LGALS3: variants seen among roughly 807,000 people sequenced by gnomAD.
LGALS3 encodes the protein galectin-3.
LGALS3 carries 18 observed loss-of-function variants against 20.7 expected under a neutral mutation model. The ratio of observed to expected loss-of-function variants is 0.87; its 90% CI spans 0.60 to 1.29. The LOEUF (loss-of-function observed/expected upper bound fraction) is 1.29. LGALS3 is among the 50% of genes most tolerant of loss of function. LGALS3 has a pLI of 0.00. For synonymous variants in LGALS3, 112 were observed against 119.6 expected (o/e 0.94, Z 0.42); for missense variants, 315 against 314.7 (o/e 1.00, Z -0.01).
chr14:55,139,101 G>A (rs1452184512), intron 3 of LGALS3, among the ~76,000 whole-genome samples: 2 of 152,184 alleles, frequency 1.3e-5, no homozygotes, highest in African/African-American at 4.8e-5. Flanking sequence ...TCAGTTTAGA[G>A]TAGAAAGACT....
Position 55,129,892 on chromosome 14 carries a change from C to G in LGALS3, c.-5+592C>G, listed in dbSNP as rs949407090. Among the ~76,000 whole-genome samples the G allele has an allele frequency of 6.6e-6, 1 of 152,224 alleles. No individual in the cohort carries two copies. The highest frequency in any genetic ancestry group is 2.4e-5 in the African/African-American group (1 of 41,470). Reference sequence around the variant, plus strand: ...TGGCCCGGCCCCTTTTGAGCATCAGCTGAGGCTGGACTTGGAGGAGATCTC... The same window carrying G: ...TGGCCCGGCCCCTTTTGAGCATCAGGTGAGGCTGGACTTGGAGGAGATCTC... On this transcript the variant is annotated intron_variant, in intron 1 of 5. Transcript: ENST00000254301. The surrounding 1 kb of genome is among the most constrained non-coding windows in gnomAD (Gnocchi z 5.3).
In LGALS3 at chr14:55,138,149, T is replaced by A; in HGVS notation, c.123T>A (p.Tyr41Ter). The A allele has an allele frequency of 6.3e-7, 1 of 1,596,508 alleles. No homozygotes were observed. Among genetic ancestry groups the A allele is most frequent in the Non-Finnish European group, 8.5e-7 (1 of 1,173,554 alleles). ...CAGGGGGCTACCCAGGGGCTTCCTA[T>A]CCTGGGGCCTACCCCGGGCAGGCAC... Reference protein sequence around the residue: ...AGAGGYPGASYPGAYPGQAPP... With the variant: ...AGAGGYPGAS Residue 41 changes from tyrosine (Y) to a stop codon, truncating the protein, a stop_gained, in exon 3 of 6, where the codon TAT becomes TAA. Coordinates refer to ENST00000254301, the MANE Select transcript of LGALS3 (RefSeq NM_002306.4). LOFTEE classifies it high-confidence loss of function.
intron 2 of LGALS3, 188 bp downstream of exon 2, chr14:55,137,579 G>A: frequency 6.7e-7 from 1 of 1,496,590 alleles, no homozygotes; most frequent in Non-Finnish European, 8.8e-7. Flanking sequence ...AAGAAAGCCA[G>A]GCAGAGCGAG....
intron 4 of LGALS3, 35 bp downstream of exon 4, chr14:55,140,398 T>G: frequency 7.3e-7 from 1 of 1,368,162 alleles, no homozygotes; most frequent in Non-Finnish European, 1.0e-6. Context: ...CTACTCTATT[T>G]GTAGATTGGT....
chr14:55,135,825 A>C (rs1594650769), intron 1 of LGALS3, among the ~76,000 whole-genome samples: 1 of 151,998 alleles, frequency 6.6e-6, no homozygotes, highest in East Asian at 1.9e-4. Flanking sequence ...TTGGCCTCCC[A>C]GTGTGCTGGG....
At position 55,145,393 on chromosome 14, in the gene LGALS3, A is replaced by G. The variant is rs1356838277; in HGVS notation, c.*122A>G. Reference sequence around the variant, plus strand: ...TATCCCTCTTGTAAGTCATCTACTTAATAAATATTACAGTGAATTACCTGT... The same window carrying G: ...TATCCCTCTTGTAAGTCATCTACTTGATAAATATTACAGTGAATTACCTGT... On this transcript the variant is annotated 3_prime_UTR_variant, in exon 6 of 6. Coordinates refer to ENST00000254301, the MANE Select transcript of LGALS3 (RefSeq NM_002306.4). 2.0e-6 allele frequency: 3 copies of G among 1,515,380 alleles called. No individual in the cohort carries two copies. In the African/African-American group the frequency reaches 4.1e-5, roughly 21 times the overall value. 93.9% of individuals were successfully genotyped at this position (1,515,380 alleles called of 1,614,324 possible). A position where few individuals can be genotyped will look rare whatever the true frequency, so the allele number is the denominator to read the frequency against.
chr14:55,131,389 A>G (rs757154800), intron 1 of LGALS3, among the ~76,000 whole-genome samples: 60 of 152,332 alleles, frequency 3.9e-4, no homozygotes, highest in Non-Finnish European at 6.6e-4. Flanking sequence ...TCTCATGTAT[A>G]ATTTAGGTAC....
At position 55,138,131 on chromosome 14, in the gene LGALS3, C is replaced by T; in HGVS notation, c.105C>T (p.Gly35=). The change falls in exon 3 of 6, where the codon GGC becomes GGT. Residue 35 remains glycine, a synonymous_variant. Coordinates refer to ENST00000254301, the MANE Select transcript of LGALS3 (RefSeq NM_002306.4). ...AWGNQPAGAG[G]YPGASYPGAY... ...GGAACCAGCCTGCTGGGGCAGGGGG[C>T]TACCCAGGGGCTTCCTATCCTGGGG... is the stretch of plus-strand genomic sequence containing the variant. 1 of 1,567,078 alleles carries T rather than the reference C, an allele frequency of 6.4e-7. No homozygotes were observed. Among genetic ancestry groups the T allele is most frequent in the Non-Finnish European group, 8.6e-7 (1 of 1,160,412 alleles).
chr14:55,144,481 A>G (rs1881743368), intron 5 of LGALS3, among the ~76,000 whole-genome samples: 1 of 151,890 alleles, frequency 6.6e-6, no homozygotes, highest in South Asian at 2.1e-4. Flanking sequence ...TTTAGCCTCC[A>G]CCTTTATGGC....
chr14:55,140,216 G>T (rs568671129), intron 3 of LGALS3, 59 bp from the exon 4 acceptor site: 1 of 1,123,542 alleles, frequency 8.9e-7, no homozygotes, highest in Non-Finnish European at 1.3e-6. Context: ...TAGCAACATC[G>T]TTTTTTCCCC....
Position 55,129,546 on chromosome 14 carries a change from G to C in LGALS3, c.-5+246G>C, listed in dbSNP as rs1275455012. Among the ~76,000 whole-genome samples the C allele has an allele frequency of 6.6e-6, 1 of 152,180 alleles. No homozygotes were observed. The highest frequency in any genetic ancestry group is 2.4e-5 in the African/African-American group (1 of 41,448). ...TCGGGGAAGGTTGGCAGCACCTTAC[G>C]AGACCCACACACGTCCCCGGGGCGG... On this transcript the variant is annotated intron_variant, in intron 1 of 5. Transcript: ENST00000254301. The surrounding 1 kb of genome is among the most constrained non-coding windows in gnomAD (Gnocchi z 5.3).
In LGALS3 at chr14:55,138,197, GGCACCTCCAGGCGCCTACCCTGGA is replaced by G. The variant is rs1191659662; in HGVS notation, c.178_201del (p.Pro60_Pro67del). Reference sequence around the variant, plus strand: ...CACCCCCAGGGGCTTATCCTGGACAGGCACCTCCAGGCGCCTACCCTGGAGCACCTGGAGCTTATCCCGGAGCAC... The same window carrying G: ...CACCCCCAGGGGCTTATCCTGGACAGGCACCTGGAGCTTATCCCGGAGCAC... On this transcript the variant is annotated inframe_deletion, in exon 3 of 6. Transcript: ENST00000254301. The G allele has an allele frequency of 6.2e-7, 1 of 1,612,792 alleles. No homozygotes were observed. The highest frequency in any genetic ancestry group is 1.7e-5 in the Admixed American group (1 of 59,980).
chr14:55,140,488 A>G (rs1881583175), intron 4 of LGALS3, 125 bp downstream of exon 4: 3 of 603,234 alleles, frequency 5.0e-6, no homozygotes, highest in Non-Finnish European at 8.8e-6. Flanking sequence ...AAATTTTAAA[A>G]ACTACATATT....
intron 3 of LGALS3, among the ~76,000 whole-genome samples, chr14:55,139,979 T>C (rs561847537): frequency 5.9e-4 from 90 of 152,290 alleles, no homozygotes; most frequent in African/African-American, 1.9e-3. Flanking sequence ...AAAATGTTAA[T>C]GTTGATCACA....
intron 1 of LGALS3, among the ~76,000 whole-genome samples, chr14:55,131,043 A>G (rs1346614292): frequency 6.6e-6 from 1 of 152,144 alleles, no homozygotes; most frequent in Non-Finnish European, 1.5e-5. Context: ...CCCATCCTTG[A>G]TCTTTGGGGG....
intron 1 of LGALS3, among the ~76,000 whole-genome samples, chr14:55,131,956 T>G (rs1051197906): frequency 2.0e-5 from 3 of 152,198 alleles, no homozygotes; most frequent in Admixed American, 1.3e-4. Flanking sequence ...CTGCCTCTTG[T>G]GTTACTTGAG....
At chr14:55,130,485 C>A (rs146907658) in intron 1 of LGALS3, among the ~76,000 whole-genome samples, 2 of 151,676 alleles carry the variant, frequency 1.3e-5, no homozygotes, top group Non-Finnish European at 2.9e-5. Flanking sequence ...GAGACTGATA[C>A]AATTAACTAC....
chr14:55,142,778 T>TC, intron 5 of LGALS3, 29 bp downstream of exon 5: 1 of 1,534,636 alleles, frequency 6.5e-7, no homozygotes, highest in East Asian at 2.3e-5. Context: ...TATATATTGA[T>TC]AATGTATATT....
At chr14:55,134,490 C>T (rs762771582) in intron 1 of LGALS3, among the ~76,000 whole-genome samples, 10 of 152,174 alleles carry the variant, frequency 6.6e-5, no homozygotes, top group African/African-American at 9.7e-5. Context: ...GCTTTCTGCC[C>T]ACCTTGAAGT....
Sources: allele counts gnomAD v4.1 joint callset (sites outside exome capture counted in the v4.1 genomes callset), GRCh38; gene constraint gnomAD v4.1.1; non-coding constraint Gnocchi (gnomAD v3.1); transcripts MANE v1.5; gene names NCBI Gene and HGNC (gene_info 2026-07-23, HGNC 2026-07-21).